Variants in ST7L observed in about 807,000 individuals in gnomAD.
The protein encoded by ST7L is suppression of tumorigenicity 7 like, also known as suppressor of tumorigenicity 7 protein-like.
ST7L carries 57 observed loss-of-function variants against 72.5 expected under a neutral mutation model. That is an observed-to-expected ratio of 0.79 (90% CI 0.64 to 0.98). The LOEUF (loss-of-function observed/expected upper bound fraction) is 0.98. Among genes scored for constraint, ST7L ranks in the 50% least tolerant of loss-of-function variants. The probability of loss-of-function intolerance (pLI) is 0.00; values close to 1 mark genes in which losing one functional copy is unlikely to be tolerated. For synonymous variants in ST7L, 221 were observed against 240.9 expected, an observed-to-expected ratio of 0.92 and a Z score of 0.77; for missense variants, 576 against 672.2, an observed-to-expected ratio of 0.86 and a Z score of 1.58.
chr1:112,599,075 T>A (rs202069124), intron 4 of ST7L, among the ~76,000 whole-genome samples: 10,132 of 37,964 alleles, frequency 0.27, 1,957 homozygotes, highest in Middle Eastern at 0.38. Context: ...AAAAAAAAAA[T>A]ATATATATAT....
Position 112,598,021 on chromosome 1 carries a change from T to C in ST7L, c.572A>G (p.His191Arg). 6.2e-7 allele frequency: 1 copy of C among 1,613,778 alleles called. No homozygotes were observed. The part of the protein sequence containing the change: ...YYDMNLSAQD[H>R]QTFFTCDTDF... ...TGTGTCACAGGTGAAAAAGGTCTGA[T>C]GGTCCTGAGCTGACAGGTTCATGTC... The change falls in exon 5 of 15, where the codon CAT (histidine) becomes CGT (arginine). Residue 191 changes from histidine to arginine, a missense_variant. By Grantham distance (29) the His-to-Arg change is conservative (BLOSUM62 0). This residue lies in a region of ST7L where 511 missense variants were observed against 600.7 expected (regional missense o/e 0.85). Coordinates refer to ENST00000358039, the MANE Select transcript of ST7L (RefSeq NM_017744.5).
chr1:112,618,732 G>C, intron 1 of ST7L, 177 bp downstream of exon 1: 1 of 1,323,676 alleles, frequency 7.6e-7, no homozygotes, highest in Non-Finnish European at 1.0e-6. Flanking sequence ...GGTAACGGCA[G>C]CAGGCTTGTC....
chr1:112,536,418 G>A (rs1655217605), intron 14 of ST7L, among the ~76,000 whole-genome samples: 1 of 151,870 alleles, frequency 6.6e-6, no homozygotes. Flanking sequence ...AACTCCCCCG[G>A]TTCTGAAGAT....
At chr1:112,542,705 T>A (rs553505120) in intron 13 of ST7L, among the ~76,000 whole-genome samples, 163 of 152,068 alleles carry the variant, frequency 1.1e-3, no homozygotes, top group African/African-American at 3.6e-3. Flanking sequence ...CAGTGAGCTA[T>A]GATCATTCCA....
At chr1:112,587,910 T>C (rs1002436172) in intron 6 of ST7L, among the ~76,000 whole-genome samples, 42 of 152,236 alleles carry the variant, frequency 2.8e-4, no homozygotes, top group African/African-American at 1.0e-3. Flanking sequence ...TAGGGAGTAC[T>C]GACATTCTAA....
chr1:112,592,026 C>A (rs373620689), intron 5 of ST7L, among the ~76,000 whole-genome samples: 10 of 151,118 alleles, frequency 6.6e-5, no homozygotes, highest in South Asian at 2.1e-4. Flanking sequence ...AAAACAAAGT[C>A]TTTGTCTAAT....
intron 14 of ST7L, among the ~76,000 whole-genome samples, chr1:112,533,927 A>G (rs1654785291): frequency 1.4e-5 from 2 of 146,238 alleles, no homozygotes; most frequent in African/African-American, 5.1e-5. Flanking sequence ...CAATCCTCCC[A>G]CCTCAGCCTC....
intron 2 of ST7L, among the ~76,000 whole-genome samples, chr1:112,612,492 T>G (rs1295943412): frequency 1.3e-5 from 2 of 152,200 alleles, no homozygotes; most frequent in Non-Finnish European, 2.9e-5. Context: ...AATGTTATTT[T>G]TTTGCTTCAG....
intron 11 of ST7L, among the ~76,000 whole-genome samples, chr1:112,575,792 G>T (rs773289649): frequency 6.6e-6 from 1 of 152,184 alleles, no homozygotes; most frequent in African/African-American, 2.4e-5. Context: ...TGGGTGAACC[G>T]CTGTCTTTAA....
intron 10 of ST7L, 47 bp downstream of exon 10, chr1:112,578,298 T>C (rs1571138670): frequency 1.3e-6 from 2 of 1,518,218 alleles, no homozygotes; most frequent in Non-Finnish European, 1.8e-6. Flanking sequence ...AGCATAATAC[T>C]GAGTTTAGCA....
intron 13 of ST7L, among the ~76,000 whole-genome samples, chr1:112,548,302 G>A (rs1657508575): frequency 6.6e-6 from 1 of 152,156 alleles, no homozygotes; most frequent in South Asian, 2.1e-4. Context: ...AGGTTGCAGT[G>A]AGCCGAGATC....
intron 3 of ST7L, among the ~76,000 whole-genome samples, chr1:112,606,463 C>G (rs1668259785): frequency 6.6e-6 from 1 of 152,178 alleles, no homozygotes; most frequent in Non-Finnish European, 1.5e-5. Flanking sequence ...CCTCCAGTTA[C>G]CAACCACATA....
chr1:112,537,464 T>C (rs1199700865), intron 14 of ST7L, among the ~76,000 whole-genome samples: 2 of 152,202 alleles, frequency 1.3e-5, no homozygotes, highest in Admixed American at 6.5e-5. Context: ...AAGAACACTT[T>C]TCTTGCAAGA....
chr1:112,609,066 C>A (rs1370023759), intron 3 of ST7L, among the ~76,000 whole-genome samples: 2 of 152,120 alleles, frequency 1.3e-5, no homozygotes, highest in East Asian at 3.9e-4. Context: ...ATGGCTCACA[C>A]CTGTAATTCC....
chr1:112,543,230 G>A (rs550919662), intron 13 of ST7L, among the ~76,000 whole-genome samples: 1 of 152,328 alleles, frequency 6.6e-6, no homozygotes, highest in African/African-American at 2.4e-5. Context: ...GTTTATATAT[G>A]TGGCATTTCA....
In ST7L at chr1:112,569,724, C is replaced by T. The variant is rs555102700; in HGVS notation, c.1245+7262G>A. On this transcript the variant is annotated intron_variant, in intron 11 of 14. Coordinates refer to ENST00000358039, the MANE Select transcript of ST7L (RefSeq NM_017744.5). ...CTGTAATCCCATGACTATGGGAGGCCGAGGCGGGTGGATCACGAGGTCAGG... is the reference window on the plus strand; with the variant it reads ...CTGTAATCCCATGACTATGGGAGGCTGAGGCGGGTGGATCACGAGGTCAGG... Among the ~76,000 whole-genome samples the T allele has an allele frequency of 1.4e-4, 22 of 152,148 alleles. No individual in the cohort carries two copies. In the South Asian group the frequency reaches 3.7e-3, roughly 26 times the overall value.
intron 8 of ST7L, 94 bp from the exon 9 acceptor site, chr1:112,582,200 C>G: frequency 9.6e-7 from 1 of 1,046,226 alleles, no homozygotes; most frequent in Non-Finnish European, 1.4e-6. Flanking sequence ...TTGTTTCTTA[C>G]CATAGCTGTG....
At chr1:112,591,233 G>C (rs1001211906) in intron 6 of ST7L, among the ~76,000 whole-genome samples, 1 of 151,982 alleles carries the variant, frequency 6.6e-6, no homozygotes, top group Non-Finnish European at 1.5e-5. Context: ...ACCCGGCCTA[G>C]TATGTTAGTA....
intron 2 of ST7L, among the ~76,000 whole-genome samples, chr1:112,615,973 G>A (rs560902455): frequency 1.1e-4 from 17 of 152,274 alleles, no homozygotes; most frequent in African/African-American, 4.1e-4. Flanking sequence ...CTGGCCTCAA[G>A]TGATCTGCCT....
Sources: gnomAD v4.1 joint callset for allele counts (sites outside exome capture counted in the v4.1 genomes callset) on GRCh38, gnomAD v4.1.1 for gene constraint, gnomAD v4.1.1 regional missense constraint, MANE v1.5 for transcripts, NCBI Gene and HGNC (gene_info 2026-07-23, HGNC 2026-07-21) for gene names.